Variants in FHOD3 observed in about 807,000 individuals in gnomAD.
FHOD3 encodes the protein formin homology 2 domain containing 3.
In FHOD3, 90 loss-of-function variants were observed where a neutral mutation model predicts 173.0. The observed-to-expected ratio is 0.52, with a 90% CI of 0.44 to 0.62. The LOEUF is 0.62. Ranked by LOEUF, FHOD3 falls within the 20% of genes least tolerant of loss-of-function variation. The pLI is 0.00. For missense variants in FHOD3, 1,945 were observed against 2,034.7 expected (o/e 0.96, Z 0.85); for synonymous variants, 828 against 823.0 (o/e 1.01, Z -0.10).
chr18:36,557,394 A>G (rs1311208929), intron 5 of FHOD3, among the ~76,000 whole-genome samples: 1 of 151,760 alleles, frequency 6.6e-6, no homozygotes, highest in African/African-American at 2.4e-5. Flanking sequence ...TACATCTTCA[A>G]TTTTCTGAAT....
At chr18:36,519,507 G>A (rs1258787821) in intron 5 of FHOD3, among the ~76,000 whole-genome samples, 4 of 152,166 alleles carry the variant, frequency 2.6e-5, no homozygotes, top group African/African-American at 4.8e-5. Context: ...GAGGCTCCTC[G>A]CTGTGCTTCT....
intron 9 of FHOD3, among the ~76,000 whole-genome samples, chr18:36,613,030 A>G (rs1441757385): frequency 6.6e-6 from 1 of 152,258 alleles, no homozygotes; most frequent in Non-Finnish European, 1.5e-5. Flanking sequence ...TAACAGGGTA[A>G]GAAAGGATAT....
chr18:36,731,016 T>C (rs1173250668), intron 20 of FHOD3, among the ~76,000 whole-genome samples: 1 of 152,204 alleles, frequency 6.6e-6, no homozygotes, highest in East Asian at 1.9e-4. Context: ...CAGGTTCATT[T>C]ACCAGTCTGC....
chr18:36,450,434 G>A (rs1263779339), intron 3 of FHOD3, among the ~76,000 whole-genome samples: 2 of 144,332 alleles, frequency 1.4e-5, no homozygotes, highest in South Asian at 2.3e-4. Flanking sequence ...TAGCATTTAC[G>A]ACCAGTTTGT....
At chr18:36,355,240 A>C (rs567814111) in intron 1 of FHOD3, among the ~76,000 whole-genome samples, 23 of 152,246 alleles carry the variant, frequency 1.5e-4, no homozygotes, top group African/African-American at 4.1e-4. Flanking sequence ...GCCAGGTCTC[A>C]TCTGTGCCCC....
At chr18:36,500,860 C>G (rs139170205) in intron 3 of FHOD3, among the ~76,000 whole-genome samples, 19 of 152,254 alleles carry the variant, frequency 1.2e-4, no homozygotes, top group Non-Finnish European at 2.5e-4. Flanking sequence ...GCATCGGGTG[C>G]TAGGAATGCA....
chr18:36,717,817 C>G lies in FHOD3; in HGVS notation c.2534-15C>G. Reference sequence around the variant, plus strand: ...CCTTGCCCCTTTCTCATTTTTCTCTCCCATGTACTTTCAGGTTTGTGGCCC... The same window carrying G: ...CCTTGCCCCTTTCTCATTTTTCTCTGCCATGTACTTTCAGGTTTGTGGCCC... On this transcript the variant is annotated splice_polypyrimidine_tract_variant and intron_variant, in intron 18 of 28. Transcript: ENST00000590592. The G allele has an allele frequency of 6.5e-7, 1 of 1,548,968 alleles. No individual in the cohort carries two copies. Among genetic ancestry groups the G allele is most frequent in the Admixed American group, 1.9e-5 (1 of 51,958 alleles).
At chr18:36,651,613 G>A (rs1177864058) in intron 11 of FHOD3, among the ~76,000 whole-genome samples, 1 of 152,114 alleles carries the variant, frequency 6.6e-6, no homozygotes, top group South Asian at 2.1e-4. Context: ...TTAGCCAGGT[G>A]TGGTATCGCA....
At chr18:36,348,552 T>G (rs8095055) in intron 1 of FHOD3, among the ~76,000 whole-genome samples, 84,628 of 151,942 alleles carry the variant, frequency 0.56, 25,743 homozygotes, top group African/African-American at 0.8. Flanking sequence ...TGAAAGTGAA[T>G]TTCCATGGAT....
chr18:36,360,122 G>A (rs2046537783), intron 2 of FHOD3, among the ~76,000 whole-genome samples: 2 of 152,334 alleles, frequency 1.3e-5, no homozygotes, highest in Non-Finnish European at 1.5e-5. Context: ...GCCAGCCTGG[G>A]TCCACAGGGC....
chr18:36,451,955 A>T (rs1206909516), intron 3 of FHOD3, among the ~76,000 whole-genome samples: 1 of 152,042 alleles, frequency 6.6e-6, no homozygotes, highest in Non-Finnish European at 1.5e-5. Flanking sequence ...CTTTTCCTGC[A>T]TGTGGCTCCT....
At chr18:36,702,530 G>T (rs528855255) in intron 17 of FHOD3, among the ~76,000 whole-genome samples, 22 of 150,500 alleles carry the variant, frequency 1.5e-4, no homozygotes, top group African/African-American at 5.1e-4. Flanking sequence ...GAGGTCCCTG[G>T]AATCTACACA....
rs377422893 is a variant in FHOD3, at chr18:36,363,189, T to C, written c.272+7544T>C. 2.3e-3 allele frequency among the ~76,000 whole-genome samples: 356 copies of C among 152,338 alleles called. 3 individuals are homozygous for C. Among genetic ancestry groups the C allele is most frequent in the African/African-American group, 8.1e-3 (338 of 41,584 alleles). On this transcript the variant is annotated intron_variant, in intron 2 of 28. Transcript: ENST00000590592. ...TGGAGCAACAGGAACACTCATTCAT[T>C]GCTGGTGGGAATGCAAAATGACACG...
chr18:36,713,018 CAT>C (rs939031661), intron 18 of FHOD3, among the ~76,000 whole-genome samples: 1 of 152,194 alleles, frequency 6.6e-6, no homozygotes, highest in African/African-American at 2.4e-5. Context: ...CTATATCCCT[CAT>C]ATGTATCCTT....
chr18:36,669,977 A>G (rs1043805386), intron 14 of FHOD3, among the ~76,000 whole-genome samples: 8 of 151,854 alleles, frequency 5.3e-5, no homozygotes, highest in African/African-American at 1.9e-4. Flanking sequence ...TTTCACCTTA[A>G]TTTTTGAAAG....
chr18:36,532,572 T>G (rs1451836458), intron 5 of FHOD3, among the ~76,000 whole-genome samples: 1 of 152,184 alleles, frequency 6.6e-6, no homozygotes, highest in Admixed American at 6.5e-5. Context: ...TCCTGTCTAC[T>G]CTACTCTTGG....
intron 3 of FHOD3, among the ~76,000 whole-genome samples, chr18:36,446,915 A>G (rs1027725370): frequency 6.6e-6 from 1 of 152,074 alleles, no homozygotes; most frequent in Admixed American, 6.6e-5. Context: ...AGGAGGGCTG[A>G]CTGGGGTAGC....
At chr18:36,571,979 G>T (rs373753556) in intron 5 of FHOD3, among the ~76,000 whole-genome samples, 1 of 152,206 alleles carries the variant, frequency 6.6e-6, no homozygotes, top group African/African-American at 2.4e-5. Flanking sequence ...GGTAAGGTTA[G>T]CCTGGAGAGC....
At chr18:36,618,310 G>GAT (rs1465774220) in intron 9 of FHOD3, among the ~76,000 whole-genome samples, 1 of 85,226 alleles carries the variant, frequency 1.2e-5, no homozygotes, top group Admixed American at 1.5e-4. Flanking sequence ...GTTTTTTGGT[G>GAT]GTTTTTTTTT....
Sources: allele counts gnomAD v4.1 joint callset (sites outside exome capture counted in the v4.1 genomes callset), GRCh38; gene constraint gnomAD v4.1.1; transcripts MANE v1.5; gene names NCBI Gene and HGNC (gene_info 2026-07-23, HGNC 2026-07-21).